The following STK38L variants were observed in gnomAD, a reference collection of about 807,000 sequenced individuals.
STK38L encodes serine/threonine kinase 38 like, also known as serine/threonine-protein kinase 38-like.
In STK38L, 28 loss-of-function variants were observed where a neutral mutation model predicts 59.7. That is an observed-to-expected ratio of 0.47 (90% CI 0.35 to 0.64). The LOEUF (loss-of-function observed/expected upper bound fraction) is 0.64, where lower values mean the gene tolerates loss of function less well. Ranked by LOEUF, STK38L falls within the 30% of genes least tolerant of loss-of-function variation. STK38L has a pLI of 0.01. For missense variants in STK38L, 314 were observed against 555.8 expected (o/e 0.56, Z 4.37); for synonymous variants, 162 against 176.8 (o/e 0.92, Z 0.66).
intron 1 of STK38L, among the ~76,000 whole-genome samples, chr12:27,296,686 G>T (rs933670423): frequency 6.6e-6 from 1 of 152,164 alleles, no homozygotes; most frequent in African/African-American, 2.4e-5. Flanking sequence ...GGTCTGTTAC[G>T]ATCTTCATCT....
intron 1 of STK38L, among the ~76,000 whole-genome samples, chr12:27,245,174 G>T (rs745761499): frequency 2.8e-4 from 42 of 152,148 alleles, no homozygotes; most frequent in Non-Finnish European, 4.7e-4. Flanking sequence ...AGTGGGAGGT[G>T]GGGGGAGGGC....
At chr12:27,298,056 C>G (rs1944070809) in intron 2 of STK38L, 6 of 558,106 alleles carry the variant, frequency 1.1e-5, no homozygotes, top group Non-Finnish European at 1.8e-5. Context: ...TCTTGTGCAT[C>G]TATATACCCG....
chr12:27,274,451 A>G (rs1943490286), intron 1 of STK38L, among the ~76,000 whole-genome samples: 1 of 152,162 alleles, frequency 6.6e-6, no homozygotes, highest in Admixed American at 6.5e-5. Flanking sequence ...GAATGGTGTA[A>G]AAATCACCTG....
Position 27,317,457 on chromosome 12 carries a change from T to G in STK38L, c.955+4T>G. The G allele has an allele frequency of 6.3e-7, 1 of 1,578,282 alleles. No homozygotes were observed. Among genetic ancestry groups the G allele is most frequent in the Non-Finnish European group, 8.7e-7 (1 of 1,153,600 alleles). ...ATTATGTATGAAATGCTAATAGGTATGTTTTATCATTCATTTATGTACAAA... is the reference window on the plus strand; with the variant it reads ...ATTATGTATGAAATGCTAATAGGTAGGTTTTATCATTCATTTATGTACAAA... On this transcript the variant is annotated splice_donor_region_variant and intron_variant, in intron 10 of 13. Coordinates refer to ENST00000389032, the MANE Select transcript of STK38L (RefSeq NM_015000.4).
In STK38L at chr12:27,259,690, AACGT is replaced by A. The variant is rs879304512; in HGVS notation, c.-12+15361_-12+15364del. Among the ~76,000 whole-genome samples, 10 of 152,204 alleles carry A rather than the reference AACGT, an allele frequency of 6.6e-5. 1 individual carries two copies. Among genetic ancestry groups the A allele is most frequent in the South Asian group, 4.1e-4 (2 of 4,826 alleles). ...ATTAACTACACCATTTACCTTAACC[AACGT>A]ACTCAGCCTTTTGTGTATACCAGGC... On this transcript the variant is annotated intron_variant, in intron 1 of 13. Transcript: ENST00000389032.
chr12:27,314,594 C>A lies in STK38L; in HGVS notation c.608C>A (p.Ala203Glu). 1 of 1,609,052 alleles carries A rather than the reference C, an allele frequency of 6.2e-7. No individual in the cohort carries two copies. The highest frequency in any genetic ancestry group is 8.5e-7 in the Non-Finnish European group (1 of 1,177,712). ...YISETVLAID[A>E]IHQLGFIHRD... ...TCAGAGACTGTTCTGGCAATAGATG[C>A]GATCCACCAGTTGGGTTTCATCCAT... is the stretch of plus-strand genomic sequence containing the variant. The change falls in exon 7 of 14, where the codon GCG becomes GAG. Residue 203 changes from alanine (A) to glutamate (E), a missense_variant. Physicochemically the swap from Ala to Glu is moderately radical, Grantham distance 107. Transcript: ENST00000389032.
At chr12:27,320,518 CTGAGCTCA>C (rs1304064464) in intron 12 of STK38L, among the ~76,000 whole-genome samples, 1 of 147,186 alleles carries the variant, frequency 6.8e-6, no homozygotes, top group East Asian at 2.1e-4. Flanking sequence ...TCTTGAACTC[CTGAGCTCA>C]AGCGATCCAC....
intron 3 of STK38L, among the ~76,000 whole-genome samples, chr12:27,306,094 T>C (rs1944304419): frequency 6.6e-6 from 1 of 152,208 alleles, no homozygotes; most frequent in Non-Finnish European, 1.5e-5. Context: ...TAGGTGATGC[T>C]CATTTTTATA....
At position 27,312,733 on chromosome 12, in the gene STK38L, A is replaced by C; in HGVS notation, c.517+61A>C. ...CAAGCACATCTTTATATGCAACAAT[A>C]ATTTTATTGGTGAGGTTTACTTTTA... On this transcript the variant is annotated intron_variant, in intron 6 of 13. Coordinates refer to ENST00000389032, the MANE Select transcript of STK38L (RefSeq NM_015000.4). The C allele has an allele frequency of 3.2e-6, 5 of 1,577,522 alleles. No individual in the cohort carries two copies. In the Admixed American group the frequency reaches 5.5e-5, roughly 17 times the overall value.
At chr12:27,316,139 T>C (rs1223175759) in intron 9 of STK38L, among the ~76,000 whole-genome samples, 1 of 152,196 alleles carries the variant, frequency 6.6e-6, no homozygotes, top group Non-Finnish European at 1.5e-5. Flanking sequence ...AATAATAGGC[T>C]AATACCCTCT....
intron 1 of STK38L, among the ~76,000 whole-genome samples, chr12:27,281,628 G>A (rs184283264): frequency 6.6e-6 from 1 of 152,312 alleles, no homozygotes; most frequent in East Asian, 1.9e-4. Flanking sequence ...CACAGAGAAG[G>A]TGTTTTATAA....
At chr12:27,258,007 G>A (rs570522781) in intron 1 of STK38L, among the ~76,000 whole-genome samples, 1 of 151,574 alleles carries the variant, frequency 6.6e-6, no homozygotes, top group South Asian at 2.1e-4. Flanking sequence ...GATGACAGGC[G>A]AGTGCCACCA....
chr12:27,251,630 C>T (rs748659277), intron 1 of STK38L, among the ~76,000 whole-genome samples: 1 of 152,172 alleles, frequency 6.6e-6, no homozygotes, highest in Non-Finnish European at 1.5e-5. Context: ...AGGTTTTTGC[C>T]CTTAGCAATT....
At chr12:27,265,312 G>T (rs977680242) in intron 1 of STK38L, among the ~76,000 whole-genome samples, 1 of 152,124 alleles carries the variant, frequency 6.6e-6, no homozygotes, top group Non-Finnish European at 1.5e-5. Flanking sequence ...TATATAGCTT[G>T]CTTCTTTTTC....
intron 5 of STK38L, 109 bp downstream of exon 5, chr12:27,309,306 C>A: frequency 1.6e-6 from 1 of 618,776 alleles, no homozygotes; most frequent in Non-Finnish European, 2.4e-6. Context: ...ACTACATAAG[C>A]TATTAATTTT....
At chr12:27,284,877 G>A (rs1943737095) in intron 1 of STK38L, among the ~76,000 whole-genome samples, 1 of 152,184 alleles carries the variant, frequency 6.6e-6, no homozygotes, top group African/African-American at 2.4e-5. Context: ...TAATGGGATG[G>A]ATGCCTTCTG....
intron 11 of STK38L, 64 bp from the exon 12 acceptor site, chr12:27,319,264 T>C: frequency 2.1e-6 from 2 of 953,586 alleles, no homozygotes; most frequent in Non-Finnish European, 3.2e-6. Context: ...ATATTTGAAG[T>C]AATGCAGCTA....
intron 1 of STK38L, among the ~76,000 whole-genome samples, chr12:27,295,388 A>C (rs1263693271): frequency 1.3e-5 from 2 of 152,206 alleles, no homozygotes; most frequent in Admixed American, 1.3e-4. Flanking sequence ...TGGTGATTTG[A>C]ATAAGACCAT....
intron 3 of STK38L, among the ~76,000 whole-genome samples, chr12:27,302,791 C>T (rs774224218): frequency 7.3e-5 from 11 of 151,712 alleles, no homozygotes; most frequent in East Asian, 1.9e-4. Flanking sequence ...GAGGCTGAGG[C>T]GGGTGGATCA....
Sources: gnomAD v4.1 joint callset for allele counts (sites outside exome capture counted in the v4.1 genomes callset) on GRCh38, gnomAD v4.1.1 for gene constraint, MANE v1.5 for transcripts, NCBI Gene and HGNC (gene_info 2026-07-23, HGNC 2026-07-21) for gene names.